The following DAPK1 variants were observed in gnomAD, a reference collection of about 807,000 sequenced individuals.
DAPK1 encodes the protein death-associated protein kinase 1.
In DAPK1, 56 loss-of-function variants were observed where a neutral mutation model predicts 144.9. The ratio of observed to expected loss-of-function variants is 0.39; its 90% CI spans 0.31 to 0.48. DAPK1 has a LOEUF of 0.48. DAPK1 is among the 20% of genes least tolerant of loss of function. DAPK1 has a pLI of 0.95. For synonymous variants in DAPK1, 690 were observed against 749.0 expected (o/e 0.92, Z 1.29); for missense variants, 1,454 against 1,875.4 (o/e 0.78, Z 4.15).
chr9:87,685,785 G>T (rs1176513392), intron 20 of DAPK1, among the ~76,000 whole-genome samples: 1 of 152,176 alleles, frequency 6.6e-6, no homozygotes. Context: ...ACATTGATTT[G>T]AAAATGAAAG....
intron 24 of DAPK1, among the ~76,000 whole-genome samples, chr9:87,702,242 G>T (rs36219452): frequency 6.6e-6 from 1 of 152,154 alleles, no homozygotes; most frequent in Non-Finnish European, 1.5e-5. Flanking sequence ...TTAATGGCAC[G>T]GTGTAGCCTG....
At chr9:87,505,801 G>T (rs1046434278) in intron 2 of DAPK1, among the ~76,000 whole-genome samples, 1 of 152,134 alleles carries the variant, frequency 6.6e-6, no homozygotes, top group Non-Finnish European at 1.5e-5. Flanking sequence ...GTGATTCTCT[G>T]TCTCAGCCTC....
At chr9:87,681,800 G>C (rs1194934599) in intron 20 of DAPK1, 174 bp downstream of exon 20, 1 of 633,246 alleles carries the variant, frequency 1.6e-6, no homozygotes, top group South Asian at 1.8e-5. Context: ...TGTGCTGCCT[G>C]TTGTCCAGCA....
At chr9:87,629,221 G>A (rs1043861459) in intron 3 of DAPK1, among the ~76,000 whole-genome samples, 1 of 152,208 alleles carries the variant, frequency 6.6e-6, no homozygotes, top group African/African-American at 2.4e-5. Flanking sequence ...TGCAGACACA[G>A]ACGTGTGTGG....
intron 2 of DAPK1, among the ~76,000 whole-genome samples, chr9:87,518,127 T>TAAA (rs1825146813): frequency 7.1e-6 from 1 of 140,840 alleles, no homozygotes. Context: ...TTTTTTTTTT[T>TAAA]CTGAGATGGA....
chr9:87,541,125 A>G (rs1429889619), intron 2 of DAPK1, among the ~76,000 whole-genome samples: 2 of 152,266 alleles, frequency 1.3e-5, no homozygotes, highest in Non-Finnish European at 2.9e-5. Context: ...GCAACATTCA[A>G]TAGAACATCT....
chr9:87,539,036 T>C (rs1192894655), intron 2 of DAPK1, among the ~76,000 whole-genome samples: 1 of 150,724 alleles, frequency 6.6e-6, no homozygotes, highest in Non-Finnish European at 1.5e-5. Context: ...TTAAAACTAA[T>C]TTAAGATTAA....
At chr9:87,676,327 CCT>C (rs1824377859) in intron 19 of DAPK1, among the ~76,000 whole-genome samples, 1 of 152,226 alleles carries the variant, frequency 6.6e-6, no homozygotes, top group East Asian at 1.9e-4. Flanking sequence ...GGCCTGGAGC[CCT>C]CTCTGAGTTG....
chr9:87,662,795 T>C (rs1198579286), intron 18 of DAPK1, among the ~76,000 whole-genome samples: 1 of 152,030 alleles, frequency 6.6e-6, no homozygotes, highest in Non-Finnish European at 1.5e-5. Flanking sequence ...CTTCCTCTTT[T>C]CCAATTTGGA....
At chr9:87,661,040 A>G (rs566689380) in intron 18 of DAPK1, among the ~76,000 whole-genome samples, 112 of 152,240 alleles carry the variant, frequency 7.4e-4, no homozygotes, top group Non-Finnish European at 1.2e-3. Context: ...GGGTTTCACC[A>G]TGTTGGCCAG....
intron 3 of DAPK1, among the ~76,000 whole-genome samples, chr9:87,608,746 G>C (rs979224454): frequency 2.6e-5 from 4 of 152,240 alleles, no homozygotes; most frequent in African/African-American, 2.4e-5. Context: ...ACTAGGAACA[G>C]CTTTTAGATG....
chr9:87,557,015 C>G (rs1243774644), intron 2 of DAPK1, among the ~76,000 whole-genome samples: 1 of 152,160 alleles, frequency 6.6e-6, no homozygotes, highest in Non-Finnish European at 1.5e-5. Context: ...CCCTTGGCCT[C>G]TAGGGATTCA....
chr9:87,619,906 G>C (rs1373494778), intron 3 of DAPK1, among the ~76,000 whole-genome samples: 1 of 152,154 alleles, frequency 6.6e-6, no homozygotes, highest in Non-Finnish European at 1.5e-5. Context: ...AAGCCGATGA[G>C]CTCTTCAGAA....
chr9:87,671,380 A>C (rs1473212854), intron 19 of DAPK1, among the ~76,000 whole-genome samples: 1 of 151,908 alleles, frequency 6.6e-6, no homozygotes, highest in Non-Finnish European at 1.5e-5. Flanking sequence ...AATATAAAAT[A>C]TATTTTATAG....
At chr9:87,619,021 C>G (rs542508118) in intron 3 of DAPK1, among the ~76,000 whole-genome samples, 1 of 152,230 alleles carries the variant, frequency 6.6e-6, no homozygotes, top group Admixed American at 6.5e-5. Context: ...CAGGCCCCTC[C>G]CCATATTCAT....
rs201256730 is a variant in DAPK1 at position 87,696,230 on chromosome 9, T to TTG, written c.2414-767_2414-766dup. 5.2e-3 allele frequency among the ~76,000 whole-genome samples: 786 copies of TTG among 152,182 alleles called. 2 individuals carry two copies. Among genetic ancestry groups the TTG allele is most frequent in the Non-Finnish European group, 8.7e-3 (593 of 68,016 alleles). On this transcript the variant is annotated intron_variant, in intron 21 of 25. Transcript: ENST00000408954. ...ATGCACATATATGTGTACATGCATGTTGTGTGTGTGTAGCACTCCAGGGTA... is the reference window on the plus strand; with the variant it reads ...ATGCACATATATGTGTACATGCATGTTGTGTGTGTGTGTAGCACTCCAGGGTA...
At chr9:87,521,342 G>C (rs1358934616) in intron 2 of DAPK1, among the ~76,000 whole-genome samples, 1 of 152,220 alleles carries the variant, frequency 6.6e-6, no homozygotes, top group African/African-American at 2.4e-5. Flanking sequence ...GCAGGTGCTT[G>C]TCTGTCTTAT....
intron 2 of DAPK1, among the ~76,000 whole-genome samples, chr9:87,520,602 A>G (rs1825260472): frequency 6.6e-6 from 1 of 152,212 alleles, no homozygotes; most frequent in African/African-American, 2.4e-5. Context: ...GGATATCGGT[A>G]ACAATTTTAT....
intron 17 of DAPK1, among the ~76,000 whole-genome samples, chr9:87,656,824 G>A (rs1462387049): frequency 2.6e-5 from 4 of 152,182 alleles, no homozygotes; most frequent in African/African-American, 7.2e-5. Context: ...CATCTCGGCT[G>A]TTTAAATTAT....
Sources: gnomAD v4.1 joint callset for allele counts (sites outside exome capture counted in the v4.1 genomes callset) on GRCh38, gnomAD v4.1.1 for gene constraint, MANE v1.5 for transcripts, NCBI Gene and HGNC (gene_info 2026-07-23, HGNC 2026-07-21) for gene names.